Variants in NRXN3 observed in about 807,000 individuals in gnomAD.
The protein encoded by NRXN3 is neurexin III.
A neutral mutation model predicts 137.6 loss-of-function variants in NRXN3; 32 were observed. That is an observed-to-expected ratio of 0.23 (90% confidence interval 0.18 to 0.31). The LOEUF (loss-of-function observed/expected upper bound fraction) is 0.31, where lower values mean the gene tolerates loss of function less well. NRXN3 is among the 10% of genes least tolerant of loss of function. NRXN3 has a pLI of 1.00. For missense variants in NRXN3, 1,574 were observed against 2,062.5 expected (o/e 0.76, Z 4.59); for synonymous variants, 798 against 784.5 (o/e 1.02, Z -0.29).
chr14:78,322,403 T>G (rs1286330294), intron 4 of NRXN3, among the ~76,000 whole-genome samples: 1 of 151,962 alleles, frequency 6.6e-6, no homozygotes, highest in African/African-American at 2.4e-5. Context: ...TCCATGAAAA[T>G]GCGCTCTGGA....
chr14:79,460,802 ATGT>A lies in NRXN3; in HGVS notation c.3263-6415_3263-6413del, dbSNP rs1567186998. ...TCATGATGTACTTAACTGTTAGGCA[ATGT>A]TGTCAGTTTCTCAGCTTACTGAGCA... On this transcript the variant is annotated intron_variant, in intron 15 of 20. Coordinates refer to ENST00000335750, the MANE Select transcript of NRXN3 (RefSeq NM_001330195.2). Among the ~76,000 whole-genome samples, 12 of 152,314 alleles carry A rather than the reference ATGT, an allele frequency of 7.9e-5. No individual in the cohort carries two copies. In the South Asian group the frequency reaches 2.5e-3, roughly 32 times the overall value.
At chr14:79,442,517 C>T (rs1465542135) in intron 15 of NRXN3, among the ~76,000 whole-genome samples, 2 of 152,134 alleles carry the variant, frequency 1.3e-5, no homozygotes, top group Admixed American at 6.5e-5. Flanking sequence ...TTGCTATAAC[C>T]TTGATTATTC....
intron 10 of NRXN3, among the ~76,000 whole-genome samples, chr14:78,871,005 A>G (rs542688820): frequency 6.7e-6 from 1 of 149,932 alleles, no homozygotes; most frequent in Admixed American, 6.7e-5. Flanking sequence ...TCTATTGTAA[A>G]TAGTGCTGTA....
intron 4 of NRXN3, among the ~76,000 whole-genome samples, chr14:78,313,862 G>T (rs959859009): frequency 1.5e-4 from 23 of 152,032 alleles, no homozygotes; most frequent in African/African-American, 5.6e-4. Flanking sequence ...CATATTAAAT[G>T]CCTAAAAAGA....
intron 4 of NRXN3, among the ~76,000 whole-genome samples, chr14:78,612,488 C>T (rs2097308674): frequency 6.6e-6 from 1 of 152,144 alleles, no homozygotes; most frequent in South Asian, 2.1e-4. Context: ...GTTTGTACTT[C>T]CCAGCAAATA....
intron 19 of NRXN3, among the ~76,000 whole-genome samples, chr14:79,743,402 T>G (rs1282090260): frequency 6.6e-6 from 1 of 152,180 alleles, no homozygotes; most frequent in Non-Finnish European, 1.5e-5. Context: ...CTCAGAAATC[T>G]ATTTGGATTT....
intron 15 of NRXN3, among the ~76,000 whole-genome samples, chr14:79,265,231 CTTTTT>C (rs936690790): frequency 1.1e-5 from 1 of 91,910 alleles, no homozygotes; most frequent in African/African-American, 3.9e-5. Flanking sequence ...GGGGGTTGCT[CTTTTT>C]TTTTTTTTTT....
chr14:78,277,753 C>T (rs947499299), intron 2 of NRXN3, among the ~76,000 whole-genome samples: 6 of 152,080 alleles, frequency 3.9e-5, no homozygotes, highest in African/African-American at 9.7e-5. Flanking sequence ...TTCCCCAGCC[C>T]GATTCTATTT....
intron 15 of NRXN3, among the ~76,000 whole-genome samples, chr14:79,254,639 A>T (rs2076346030): frequency 6.6e-6 from 1 of 152,156 alleles, no homozygotes. Context: ...TCTCTGGGCA[A>T]AGTTCATTAT....
chr14:78,549,026 T>C (rs571958311), intron 4 of NRXN3, among the ~76,000 whole-genome samples: 4 of 152,314 alleles, frequency 2.6e-5, no homozygotes, highest in African/African-American at 9.6e-5. Flanking sequence ...TCCCAGACTA[T>C]ACATTGTTCA....
intron 4 of NRXN3, among the ~76,000 whole-genome samples, chr14:78,549,224 T>A (rs902027383): frequency 2.6e-5 from 4 of 152,218 alleles, no homozygotes; most frequent in African/African-American, 9.6e-5. Context: ...CTTCACTGTT[T>A]CAAGTTTGTA....
At chr14:79,654,527 C>T (rs891700686) in intron 16 of NRXN3, among the ~76,000 whole-genome samples, 7 of 152,030 alleles carry the variant, frequency 4.6e-5, no homozygotes, top group East Asian at 3.9e-4. Flanking sequence ...TGAGTCCAGC[C>T]GTGTCCCAAT....
At chr14:78,458,569 A>G (rs1431647571) in intron 4 of NRXN3, among the ~76,000 whole-genome samples, 4 of 152,232 alleles carry the variant, frequency 2.6e-5, no homozygotes, top group South Asian at 2.1e-4. Flanking sequence ...CTGTGTATCT[A>G]TTTATATCTT....
intron 15 of NRXN3, among the ~76,000 whole-genome samples, chr14:79,191,144 C>T (rs1223183125): frequency 1.3e-5 from 2 of 152,160 alleles, no homozygotes; most frequent in African/African-American, 4.8e-5. Context: ...AAAGAAACTG[C>T]TATGCCCATT....
intron 4 of NRXN3, among the ~76,000 whole-genome samples, chr14:78,497,189 G>T (rs562564953): frequency 6.6e-6 from 1 of 152,212 alleles, no homozygotes; most frequent in South Asian, 2.1e-4. Flanking sequence ...GCAAGGGTAT[G>T]TGGTGCCTAG....
At chr14:79,618,080 A>G (rs2098181136) in intron 16 of NRXN3, among the ~76,000 whole-genome samples, 1 of 152,106 alleles carries the variant, frequency 6.6e-6, no homozygotes, top group Non-Finnish European at 1.5e-5. Context: ...ACTTCTTTGT[A>G]GTCTCTGATG....
intron 15 of NRXN3, among the ~76,000 whole-genome samples, chr14:79,150,348 C>T (rs1200618751): frequency 6.6e-6 from 1 of 151,946 alleles, no homozygotes; most frequent in East Asian, 1.9e-4. Flanking sequence ...CGCCCCCACC[C>T]CCACCTCTCT....
intron 15 of NRXN3, among the ~76,000 whole-genome samples, chr14:79,409,241 T>C (rs2095369458): frequency 6.6e-6 from 1 of 151,896 alleles, no homozygotes; most frequent in Admixed American, 6.6e-5. Flanking sequence ...ATATATATTC[T>C]GCTACATACA....
intron 6 of NRXN3, among the ~76,000 whole-genome samples, chr14:78,657,618 C>T (rs1315257182): frequency 1.3e-5 from 2 of 152,158 alleles, no homozygotes; most frequent in Non-Finnish European, 2.9e-5. Flanking sequence ...TGATTATTAG[C>T]CATTTAAAAC....
Sources: gnomAD v4.1 joint callset for allele counts (sites outside exome capture counted in the v4.1 genomes callset) on GRCh38, gnomAD v4.1.1 for gene constraint, MANE v1.5 for transcripts, NCBI Gene and HGNC (gene_info 2026-07-23, HGNC 2026-07-21) for gene names.